The following NCAPH variants were observed in gnomAD, a reference collection of about 807,000 sequenced individuals.
NCAPH encodes condensin complex subunit 2.
Under a neutral mutation model 85.5 loss-of-function variants are expected in NCAPH, and 38 were observed. The ratio of observed to expected loss-of-function variants is 0.44; its 90% confidence interval spans 0.34 to 0.58. The LOEUF is 0.58. Among genes scored for constraint, NCAPH ranks in the 20% least tolerant of loss-of-function variants. The pLI is 0.01. For synonymous variants in NCAPH, 301 were observed against 335.1 expected, an observed-to-expected ratio of 0.90 and a Z score of 1.11; for missense variants, 789 against 916.6, an observed-to-expected ratio of 0.86 and a Z score of 1.80.
At chr2:96,358,578 C>A (rs2064556170) in intron 9 of NCAPH, among the ~76,000 whole-genome samples, 1 of 152,134 alleles carries the variant, frequency 6.6e-6, no homozygotes, top group Non-Finnish European at 1.5e-5. Flanking sequence ...ACGCCATTCT[C>A]CTGCCTCAGC....
intron 12 of NCAPH, among the ~76,000 whole-genome samples, chr2:96,361,350 G>T (rs2064606368): frequency 6.6e-6 from 1 of 151,946 alleles, no homozygotes; most frequent in Non-Finnish European, 1.5e-5. Flanking sequence ...GTGCCCACCT[G>T]ATTCCTTGGC....
At chr2:96,341,527 A>G (rs536222049) in intron 1 of NCAPH, 115 bp from the exon 2 acceptor site, 1 of 1,346,044 alleles carries the variant, frequency 7.4e-7, no homozygotes, top group Admixed American at 2.2e-5. Flanking sequence ...TTAGAGTTGG[A>G]GAAGATCTCA....
At chr2:96,360,734 T>G in intron 12 of NCAPH, 24 bp downstream of exon 12, 1 of 1,613,630 alleles carries the variant, frequency 6.2e-7, no homozygotes, top group South Asian at 1.1e-5. Context: ...TTGGTTCCTT[T>G]AAGCACACAA....
intron 14 of NCAPH, among the ~76,000 whole-genome samples, chr2:96,366,379 C>T (rs1194695235): frequency 6.6e-6 from 1 of 152,220 alleles, no homozygotes; most frequent in Non-Finnish European, 1.5e-5. Flanking sequence ...CTGTGTGGCT[C>T]TGAAAAATCT....
chr2:96,360,591 G>C lies in NCAPH; in HGVS notation c.1468G>C (p.Ala490Pro). 6.2e-7 allele frequency: 1 copy of C among 1,613,608 alleles called. No individual in the cohort carries two copies. The highest frequency in any genetic ancestry group is 1.1e-5 in the South Asian group (1 of 90,968). Residue 490 changes from alanine to proline, a missense_variant, in exon 12 of 18, where the codon GCT (alanine) becomes CCT (proline). Coordinates refer to ENST00000240423, the MANE Select transcript of NCAPH (RefSeq NM_015341.5). ...FDVYFRKTKA[A>P]TILTKSTLEN... is the part of the protein sequence containing the mutation. ...CTTTTTTTAAAAAAATTAATAGGCT[G>C]CTACTATTCTGACCAAGTCCACTTT...
Position 96,344,116 on chromosome 2 carries a change from A to G in NCAPH, c.607A>G (p.Thr203Ala). 3 of 1,612,192 alleles carry G rather than the reference A, an allele frequency of 1.9e-6. No homozygotes were observed. The highest frequency in any genetic ancestry group is 2.5e-6 in the Non-Finnish European group (3 of 1,179,482). The part of the protein sequence containing the change: ...VEGHVADGSA[T>A]EMGTTKKAVK... ...ATTTCTCCTTTTAGATGGAAGTGCT[A>G]CTGAAATGGGAACAACCAAAAAGGC... The change falls in exon 6 of 18, where the codon ACT becomes GCT. Residue 203 changes from threonine (T) to alanine (A), a missense_variant. Coordinates refer to ENST00000240423, the MANE Select transcript of NCAPH (RefSeq NM_015341.5).
At chr2:96,339,751 C>G (rs1405288527) in intron 1 of NCAPH, among the ~76,000 whole-genome samples, 1 of 152,106 alleles carries the variant, frequency 6.6e-6, no homozygotes, top group African/African-American at 2.4e-5. Context: ...ACCCTAGGTT[C>G]TAAATCCAAT....
At chr2:96,349,910 A>G (rs1423124849) in intron 6 of NCAPH, among the ~76,000 whole-genome samples, 1 of 152,178 alleles carries the variant, frequency 6.6e-6, no homozygotes, top group Non-Finnish European at 1.5e-5. Context: ...TAGGGCTCAG[A>G]GTTTATGGAA....
chr2:96,360,147 T>C lies in NCAPH; in HGVS notation c.1362T>C (p.Asp454=), dbSNP rs1417228482. 1.9e-6 allele frequency: 3 copies of C among 1,568,048 alleles called. No individual in the cohort carries two copies. Among genetic ancestry groups the C allele is most frequent in the Non-Finnish European group, 2.6e-6 (3 of 1,141,304 alleles). The change falls in exon 11 of 18, where the codon GAT becomes GAC. Residue 454 remains aspartate (D), a synonymous_variant. Transcript: ENST00000240423. ...HWRFRPRRKQ[D]APSQSENKKK... is the part of the protein sequence containing the mutation. ...ACGTCTGTGTTCACTCTGCAGAAGA[T>C]GCTCCTTCCCAATCAGAAAACAAAA...
At chr2:96,340,866 T>G (rs2064285250) in intron 1 of NCAPH, among the ~76,000 whole-genome samples, 1 of 150,918 alleles carries the variant, frequency 6.6e-6, no homozygotes, top group Middle Eastern at 3.4e-3. Context: ...CATTCTAGAG[T>G]GTTTCCTTGT....
In NCAPH at chr2:96,375,262, C is replaced by T. The variant is rs1456919072; in HGVS notation, c.*1911C>T. ...ATACCAACTTCTACAATGAAATCCC[C>T]TTCCCCCCACAACCCTGCTTCTCCT... is the stretch of plus-strand genomic sequence containing the variant. On this transcript the variant is annotated 3_prime_UTR_variant, in exon 18 of 18. Coordinates refer to ENST00000240423, the MANE Select transcript of NCAPH (RefSeq NM_015341.5). Among the ~76,000 whole-genome samples the T allele has an allele frequency of 6.6e-6, 1 of 152,040 alleles. No homozygotes were observed. The highest frequency in any genetic ancestry group is 1.5e-5 in the Non-Finnish European group (1 of 68,004).
chr2:96,358,676 G>T (rs1477836431), intron 9 of NCAPH, among the ~76,000 whole-genome samples: 3 of 152,178 alleles, frequency 2.0e-5, no homozygotes, highest in Non-Finnish European at 4.4e-5. Context: ...CACTGTGTTA[G>T]CCAGGGTGGT....
intron 17 of NCAPH, 151 bp from the exon 18 acceptor site, chr2:96,373,141 A>T (rs1028022699): frequency 4.5e-6 from 3 of 661,498 alleles, no homozygotes; most frequent in African/African-American, 3.6e-5. Context: ...CAGGTTTTTC[A>T]TGCAAATTAT....
At chr2:96,342,706 A>G (rs1329348493) in intron 3 of NCAPH, 50 bp from the exon 4 acceptor site, 5 of 1,427,724 alleles carry the variant, frequency 3.5e-6, no homozygotes, top group South Asian at 2.3e-5. Flanking sequence ...CATTATTTAC[A>G]TGAGCCTAGG....
chr2:96,369,066 G>A lies in NCAPH; in HGVS notation c.2090+3G>A, dbSNP rs1208565691. 3 of 1,553,934 alleles carry A rather than the reference G, an allele frequency of 1.9e-6. No individual in the cohort carries two copies. Among genetic ancestry groups the A allele is most frequent in the Non-Finnish European group, 2.6e-6 (3 of 1,148,142 alleles). On this transcript the variant is annotated splice_donor_region_variant and intron_variant, in intron 16 of 17. Coordinates refer to ENST00000240423, the MANE Select transcript of NCAPH (RefSeq NM_015341.5). Reference sequence around the variant, plus strand: ...CTCACGAAGGACCTGCAGAGGAGGTGCGGGCTGGCAGGCATGGGGGCTTTG... The same window carrying A: ...CTCACGAAGGACCTGCAGAGGAGGTACGGGCTGGCAGGCATGGGGGCTTTG...
At chr2:96,349,683 A>G (rs1324146349) in intron 6 of NCAPH, among the ~76,000 whole-genome samples, 1 of 152,164 alleles carries the variant, frequency 6.6e-6, no homozygotes, top group Non-Finnish European at 1.5e-5. Context: ...ATTTTCTTGG[A>G]GATCAGAAAG....
rs1293345305 is a variant in NCAPH, at chr2:96,359,090, C to G, written c.1254C>G (p.Cys418Trp). 1 of 1,614,128 alleles carries G rather than the reference C, an allele frequency of 6.2e-7. No individual in the cohort carries two copies. Among genetic ancestry groups the G allele is most frequent in the Non-Finnish European group, 8.5e-7 (1 of 1,180,004 alleles). Residue 418 changes from cysteine to tryptophan, a missense_variant, in exon 10 of 18, where the codon TGC becomes TGG. Coordinates refer to ENST00000240423, the MANE Select transcript of NCAPH (RefSeq NM_015341.5). ...GGGATGGAGACATCAGGACCATGTG[C>G]CCCCTTCTGTCTATGAAACCTGGAG... ...SLGDGDIRTM[C>W]PLLSMKPGEY...
intron 17 of NCAPH, among the ~76,000 whole-genome samples, chr2:96,373,043 A>AG (rs916808517): frequency 3.2e-4 from 48 of 152,148 alleles, no homozygotes; most frequent in African/African-American, 1.1e-3. Flanking sequence ...GGCCCTTTAT[A>AG]GGGGGTGGGT....
chr2:96,350,524 G>A lies in NCAPH; in HGVS notation c.721-1307G>A, dbSNP rs148262752. Among the ~76,000 whole-genome samples the A allele has an allele frequency of 3.4e-3, 513 of 152,290 alleles. 4 individuals are homozygous for A. Among genetic ancestry groups the A allele is most frequent in the Admixed American group, 8.8e-3 (134 of 15,300 alleles). On this transcript the variant is annotated intron_variant, in intron 6 of 17. Coordinates refer to ENST00000240423, the MANE Select transcript of NCAPH (RefSeq NM_015341.5). ...AAAAAAATAGGTATTTTTAGGATGG[G>A]AATTGGGAGAGGCCAGAGATAAGGG... is the stretch of plus-strand genomic sequence containing the variant.
Sources: gnomAD v4.1 joint callset for allele counts (sites outside exome capture counted in the v4.1 genomes callset) on GRCh38, gnomAD v4.1.1 for gene constraint, MANE v1.5 for transcripts, NCBI Gene and HGNC (gene_info 2026-07-23, HGNC 2026-07-21) for gene names.